The following SEMA6D variants were observed in gnomAD, a reference collection of about 807,000 sequenced individuals.
SEMA6D encodes the protein semaphorin-6D.
Under a neutral mutation model 106.6 loss-of-function variants are expected in SEMA6D, and 35 were observed. That is an observed-to-expected ratio of 0.33 (90% CI 0.25 to 0.44). The LOEUF is 0.44. SEMA6D is among the 20% of genes least tolerant of loss of function. SEMA6D has a pLI of 1.00. For synonymous variants in SEMA6D, 499 were observed against 487.7 expected (o/e 1.02, Z -0.31); for missense variants, 1,185 against 1,345.9 (o/e 0.88, Z 1.87).
At chr15:47,313,400 A>T (rs771829325) in intron 1 of SEMA6D, among the ~76,000 whole-genome samples, 8 of 152,040 alleles carry the variant, frequency 5.3e-5, no homozygotes, top group Non-Finnish European at 1.2e-4. Context: ...GGCTTCTTTC[A>T]TTTAGTAATA....
chr15:47,235,363 T>C (rs1039446369), intron 1 of SEMA6D, among the ~76,000 whole-genome samples: 1 of 152,064 alleles, frequency 6.6e-6, no homozygotes, highest in Non-Finnish European at 1.5e-5. Flanking sequence ...TTTTTTATTA[T>C]GTTGCATTTG....
rs74011460 is a variant in SEMA6D, at chr15:47,463,724, A to G, written c.-158-6750A>G. Among the ~76,000 whole-genome samples the G allele has an allele frequency of 9.7e-3, 1,474 of 152,278 alleles. 30 individuals carry two copies. Among genetic ancestry groups the G allele is most frequent in the African/African-American group, 0.034 (1,420 of 41,570 alleles). On this transcript the variant is annotated intron_variant, in intron 2 of 19. Coordinates refer to the SEMA6D transcript ENST00000558014. ...TGGCTGCTGTGACCAGTTGTCAGATAGTTGGTGGTTTAAAACATAACTTTA... is the reference window on the plus strand; with the variant it reads ...TGGCTGCTGTGACCAGTTGTCAGATGGTTGGTGGTTTAAAACATAACTTTA...
chr15:47,521,366 T>G (rs1472160043), intron 3 of SEMA6D, among the ~76,000 whole-genome samples: 2 of 152,126 alleles, frequency 1.3e-5, no homozygotes, highest in Admixed American at 1.3e-4. Flanking sequence ...ACACTTGCAT[T>G]TCTGAGGGTT....
chr15:47,658,150 C>G (rs1481645608), intron 4 of SEMA6D, among the ~76,000 whole-genome samples: 1 of 152,006 alleles, frequency 6.6e-6, no homozygotes, highest in African/African-American at 2.4e-5. Context: ...AAGTTTTATT[C>G]TTTATATATC....
intron 4 of SEMA6D, among the ~76,000 whole-genome samples, chr15:47,679,583 C>CT (rs1424262919): frequency 7.2e-6 from 1 of 139,454 alleles, no homozygotes. Flanking sequence ...AGGCAATACC[C>CT]TTTTTTTGTT....
chr15:47,394,531 G>A (rs2040146293), intron 1 of SEMA6D, among the ~76,000 whole-genome samples: 1 of 152,118 alleles, frequency 6.6e-6, no homozygotes, highest in Non-Finnish European at 1.5e-5. Flanking sequence ...GAGGTAGTGA[G>A]GGTCAACGGT....
chr15:47,629,046 A>G (rs550176745), intron 4 of SEMA6D, among the ~76,000 whole-genome samples: 5 of 152,134 alleles, frequency 3.3e-5, no homozygotes, highest in African/African-American at 1.2e-4. Context: ...GAGCATATTC[A>G]TGTGGGTCTA....
At chr15:47,475,648 G>A (rs2042982106) in intron 3 of SEMA6D, among the ~76,000 whole-genome samples, 1 of 152,158 alleles carries the variant, frequency 6.6e-6, no homozygotes, top group African/African-American at 2.4e-5. Flanking sequence ...AGGAATAGAA[G>A]CTGAAAGAGA....
chr15:47,735,737 C>T (rs776927043), intron 1 of SEMA6D, among the ~76,000 whole-genome samples: 1 of 152,142 alleles, frequency 6.6e-6, no homozygotes, highest in Non-Finnish European at 1.5e-5. Context: ...TTGGTCTCTC[C>T]ACTTCACAAG....
At chr15:47,410,400 A>G (rs187662834) in intron 1 of SEMA6D, among the ~76,000 whole-genome samples, 1 of 152,336 alleles carries the variant, frequency 6.6e-6, no homozygotes, top group East Asian at 1.9e-4. Flanking sequence ...CTGCCCTCCA[A>G]ATAAGTGTTA....
intron 1 of SEMA6D, among the ~76,000 whole-genome samples, chr15:47,723,717 T>C (rs989236188): frequency 2.6e-5 from 4 of 152,206 alleles, no homozygotes; most frequent in Non-Finnish European, 5.9e-5. Flanking sequence ...GTTCTTTTTT[T>C]ATTCAGGATC....
chr15:47,250,937 A>G (rs1158310281), intron 1 of SEMA6D, among the ~76,000 whole-genome samples: 5 of 152,252 alleles, frequency 3.3e-5, no homozygotes, highest in Non-Finnish European at 7.3e-5. Flanking sequence ...TAATGTAGAA[A>G]GATACGATTT....
At chr15:47,365,718 G>T (rs1038254908) in intron 1 of SEMA6D, among the ~76,000 whole-genome samples, 1 of 151,902 alleles carries the variant, frequency 6.6e-6, no homozygotes, top group African/African-American at 2.4e-5. Context: ...AAAATTAGCC[G>T]GGCATGGTGG....
intron 4 of SEMA6D, among the ~76,000 whole-genome samples, chr15:47,678,767 T>G (rs183533122): frequency 2.6e-4 from 39 of 152,278 alleles, no homozygotes; most frequent in African/African-American, 9.4e-4. Context: ...TTATTTATAA[T>G]ATTTTATATG....
At chr15:47,647,600 A>G (rs1446214971) in intron 4 of SEMA6D, among the ~76,000 whole-genome samples, 1 of 152,224 alleles carries the variant, frequency 6.6e-6, no homozygotes, top group Non-Finnish European at 1.5e-5. Context: ...TTCTCTCTTA[A>G]ATCAGCCTGG....
chr15:47,489,618 C>T (rs57439345), intron 3 of SEMA6D, among the ~76,000 whole-genome samples: 5 of 152,052 alleles, frequency 3.3e-5, no homozygotes, highest in Non-Finnish European at 7.4e-5. Context: ...CTTTCCTTTA[C>T]TCATACCAAT....
intron 1 of SEMA6D, among the ~76,000 whole-genome samples, chr15:47,743,095 C>A (rs1596930652): frequency 6.6e-6 from 1 of 152,158 alleles, no homozygotes; most frequent in Admixed American, 6.5e-5. Context: ...CATTGGTCAA[C>A]TTAGGAAATG....
At chr15:47,579,545 A>G (rs760795584) in intron 3 of SEMA6D, among the ~76,000 whole-genome samples, 34 of 152,322 alleles carry the variant, frequency 2.2e-4, no homozygotes, top group South Asian at 1.4e-3. Context: ...TCCTCTCCCA[A>G]GGCAGGAAAG....
chr15:47,413,846 GTGCAC>G (rs1430042147), intron 2 of SEMA6D, among the ~76,000 whole-genome samples: 1 of 152,062 alleles, frequency 6.6e-6, no homozygotes, highest in Non-Finnish European at 1.5e-5. Flanking sequence ...CAGATCCATG[GTGCAC>G]TGAGCAAAAT....
Sources: allele counts gnomAD v4.1 joint callset (sites outside exome capture counted in the v4.1 genomes callset), GRCh38; gene constraint gnomAD v4.1.1; transcripts MANE v1.5; gene names NCBI Gene and HGNC (gene_info 2026-07-23, HGNC 2026-07-21).